Variants in ATG7 observed in about 807,000 individuals in gnomAD.
ATG7 encodes autophagy related 7, also known as ubiquitin-like modifier-activating enzyme ATG7.
ATG7 carries 70 observed loss-of-function variants against 82.4 expected under a neutral mutation model. That is an observed-to-expected ratio of 0.85 (90% CI 0.70 to 1.04). The LOEUF (loss-of-function observed/expected upper bound fraction) is 1.04, where lower values mean the gene tolerates loss of function less well. Among genes scored for constraint, ATG7 ranks in the 50% least tolerant of loss-of-function variants. ATG7 has a pLI of 0.00. For synonymous variants in ATG7, 287 were observed against 313.0 expected, an observed-to-expected ratio of 0.92 and a Z score of 0.88; for missense variants, 792 against 864.3, an observed-to-expected ratio of 0.92 and a Z score of 1.05.
intron 9 of ATG7, among the ~76,000 whole-genome samples, chr3:11,326,908 T>TA (rs1950962638): frequency 6.6e-6 from 1 of 152,184 alleles, no homozygotes; most frequent in South Asian, 2.1e-4. Flanking sequence ...ATCCCAGGGT[T>TA]AAAATGCCAT....
intron 20 of ATG7, among the ~76,000 whole-genome samples, chr3:11,481,975 C>T (rs2089039928): frequency 6.6e-6 from 1 of 152,148 alleles, no homozygotes; most frequent in Admixed American, 6.5e-5. Context: ...AGTGTCATGC[C>T]CCTTGCCCTT....
intron 20 of ATG7, among the ~76,000 whole-genome samples, chr3:11,540,973 C>A (rs1156309743): frequency 6.7e-6 from 1 of 149,784 alleles, no homozygotes; most frequent in Non-Finnish European, 1.5e-5. Flanking sequence ...AATCTTGGCT[C>A]ACTGCAAGCT....
At chr3:11,537,964 C>A (rs1318886130) in intron 20 of ATG7, among the ~76,000 whole-genome samples, 3 of 146,932 alleles carry the variant, frequency 2.0e-5, no homozygotes, top group African/African-American at 7.3e-5. Context: ...CAAAGTGGTA[C>A]CTGGCCGAGA....
At chr3:11,563,528 AC>A in the ATG7 span, among the ~76,000 whole-genome samples, 1 of 152,324 alleles carries the variant, frequency 6.6e-6, no homozygotes, top group African/African-American at 2.4e-5. Flanking sequence ...TGTGGCCGTG[AC>A]AGTGTCCACA....
At chr3:11,552,343 C>G (rs777149612) in intron 20 of ATG7, among the ~76,000 whole-genome samples, 1 of 152,130 alleles carries the variant, frequency 6.6e-6, no homozygotes, top group African/African-American at 2.4e-5. Flanking sequence ...ATACCCTTGT[C>G]GGCACTGAGT....
chr3:11,329,241 G>A (rs1472916353), intron 9 of ATG7, among the ~76,000 whole-genome samples: 2 of 152,208 alleles, frequency 1.3e-5, no homozygotes, highest in Non-Finnish European at 2.9e-5. Context: ...TCTCAGGATG[G>A]TGGGGTTATG....
intron 18 of ATG7, among the ~76,000 whole-genome samples, chr3:11,366,347 A>G (rs1170816319): frequency 2.6e-5 from 4 of 151,964 alleles, no homozygotes; most frequent in Non-Finnish European, 4.4e-5. Context: ...CTTGAAAACC[A>G]CAAAACACTA....
chr3:11,330,517 G>A (rs1399467626), intron 9 of ATG7, among the ~76,000 whole-genome samples: 1 of 152,026 alleles, frequency 6.6e-6, no homozygotes, highest in African/African-American at 2.4e-5. Context: ...TGTTTTTTGA[G>A]TACCTCCTTC....
At chr3:11,572,533 C>A in the ATG7 span, among the ~76,000 whole-genome samples, 1 of 152,204 alleles carries the variant, frequency 6.6e-6, no homozygotes, top group Non-Finnish European at 1.5e-5. Flanking sequence ...CCTCCTCAGT[C>A]CCATTCCCCT....
the ATG7 span, among the ~76,000 whole-genome samples, chr3:11,571,186 C>T: frequency 3.3e-5 from 5 of 152,312 alleles, no homozygotes; most frequent in East Asian, 1.9e-4. Context: ...GCTTCAATAG[C>T]GGGGTCCATC....
At chr3:11,486,054 A>G (rs2089602675) in intron 20 of ATG7, among the ~76,000 whole-genome samples, 1 of 152,148 alleles carries the variant, frequency 6.6e-6, no homozygotes. Flanking sequence ...TGAACTTTTA[A>G]GTAGTTTTTT....
At chr3:11,305,263 C>T (rs957597205) in intron 5 of ATG7, among the ~76,000 whole-genome samples, 1 of 152,148 alleles carries the variant, frequency 6.6e-6, no homozygotes, top group African/African-American at 2.4e-5. Context: ...TTGAAGCTTC[C>T]GATTGTCCTG....
intron 9 of ATG7, among the ~76,000 whole-genome samples, chr3:11,318,559 C>G (rs909464829): frequency 2.0e-5 from 3 of 152,242 alleles, no homozygotes; most frequent in African/African-American, 7.2e-5. Context: ...CTCCCCTCCA[C>G]ACTGCTGTCC....
intron 11 of ATG7, among the ~76,000 whole-genome samples, chr3:11,339,268 C>A (rs547998495): frequency 4.2e-5 from 6 of 142,124 alleles, no homozygotes; most frequent in Non-Finnish European, 7.5e-5. Context: ...TGCACTCCAG[C>A]CTGGGCGACA....
intron 17 of ATG7, among the ~76,000 whole-genome samples, chr3:11,363,534 G>A (rs1336047607): frequency 6.6e-6 from 1 of 152,234 alleles, no homozygotes; most frequent in Non-Finnish European, 1.5e-5. Context: ...TTACAGGCGT[G>A]AGCCATTGCA....
At chr3:11,288,928 G>C (rs977552753) in intron 3 of ATG7, among the ~76,000 whole-genome samples, 3 of 152,158 alleles carry the variant, frequency 2.0e-5, no homozygotes, top group Non-Finnish European at 4.4e-5. Context: ...GCTACTGCAG[G>C]CTTTCTTACA....
chr3:11,395,408 A>G (rs1169191288), intron 19 of ATG7, among the ~76,000 whole-genome samples: 1 of 152,208 alleles, frequency 6.6e-6, no homozygotes, highest in African/African-American at 2.4e-5. Flanking sequence ...AATTTATAAC[A>G]GTACAAATAA....
At chr3:11,540,596 G>A (rs1248059790) in intron 20 of ATG7, among the ~76,000 whole-genome samples, 8 of 151,374 alleles carry the variant, frequency 5.3e-5, no homozygotes, top group African/African-American at 1.9e-4. Flanking sequence ...AGCAGTGATC[G>A]CACCACTGTC....
chr3:11,490,260 T>C (rs2090203634), intron 20 of ATG7, among the ~76,000 whole-genome samples: 1 of 152,230 alleles, frequency 6.6e-6, no homozygotes. Context: ...TCTTTGTTGG[T>C]TTAAAGTCTT....
Sources: gnomAD v4.1 joint callset for allele counts (sites outside exome capture counted in the v4.1 genomes callset) on GRCh38, gnomAD v4.1.1 for gene constraint, MANE v1.5 for transcripts, NCBI Gene and HGNC (gene_info 2026-07-23, HGNC 2026-07-21) for gene names.